The following DSC3 variants were observed in gnomAD, a reference collection of about 807,000 sequenced individuals.
DSC3 encodes desmocollin 3.
A neutral mutation model predicts 89.5 loss-of-function variants in DSC3; 97 were observed. That is an observed-to-expected ratio of 1.08 (90% CI 0.92 to 1.28). The LOEUF (loss-of-function observed/expected upper bound fraction) is 1.28, where lower values mean the gene tolerates loss of function less well. Among genes scored for constraint, DSC3 ranks in the 50% most tolerant of loss-of-function variants. DSC3 has a pLI of 0.00. For missense variants in DSC3, 1,199 were observed against 1,085.3 expected, an observed-to-expected ratio of 1.10 and a Z score of -1.47; for synonymous variants, 436 against 384.1, an observed-to-expected ratio of 1.14 and a Z score of -1.58.
At chr18:31,001,555 A>ACCC (rs1984658872) in intron 14 of DSC3, 63 bp downstream of exon 14, 1 of 1,565,188 alleles carries the variant, frequency 6.4e-7, no homozygotes, top group African/African-American at 1.4e-5. Context: ...TTTTGAAATG[A>ACCC]GTTTATGAGG....
In DSC3 at chr18:31,032,554, A is replaced by G. The variant is rs2852004; in HGVS notation, c.70-278T>C. On this transcript the variant is annotated intron_variant, in intron 1 of 15. Coordinates refer to ENST00000360428, the MANE Select transcript of DSC3 (RefSeq NM_001941.5). ...CTCTGCTCTAACTGCTTCTGTGTGT[A>G]TGTGTGTGTGTGTGTGTGTGTGTGT... is the stretch of plus-strand genomic sequence containing the variant. Among the ~76,000 whole-genome samples, 6,694 of 91,786 alleles carry G rather than the reference A, an allele frequency of 0.073. 241 individuals carry two copies. Among genetic ancestry groups the G allele is most frequent in the East Asian group, 0.16 (436 of 2,766 alleles). The allele number at this position is 91,786 out of a possible 152,430, so 60.2% of individuals were successfully genotyped here.
rs1984245555 is a variant in DSC3, at chr18:30,991,621, G to A, written c.*2554C>T. On this transcript the variant is annotated 3_prime_UTR_variant, in exon 16 of 16. Transcript: ENST00000360428. ...GGAGGTAGCAGGTTTTGATCGGTGA[G>A]TGAGGGAGTGAGCAAAACACAGTGG... The A allele has an allele frequency of 6.6e-6, 1 of 152,154 alleles. No homozygotes were observed. The highest frequency in any genetic ancestry group is 2.4e-5 in the African/African-American group (1 of 41,436). 9.4% of individuals were successfully genotyped at this position (152,154 alleles called of 1,614,324 possible). A position where few individuals can be genotyped will look rare whatever the true frequency, so the allele number is the denominator to read the frequency against.
chr18:31,028,367 T>A lies in DSC3; in HGVS notation c.474+1142A>T, dbSNP rs547516582. On this transcript the variant is annotated intron_variant, in intron 4 of 15. Coordinates refer to ENST00000360428, the MANE Select transcript of DSC3 (RefSeq NM_001941.5). ...AGGTGAGCTATGTCAAATGTAAATATGTCAAGGAAATGAGGACTAAGATGG... is the reference window on the plus strand; with the variant it reads ...AGGTGAGCTATGTCAAATGTAAATAAGTCAAGGAAATGAGGACTAAGATGG... Among the ~76,000 whole-genome samples the A allele has an allele frequency of 3.9e-5, 6 of 152,250 alleles. No individual in the cohort carries two copies. In the East Asian group the frequency reaches 1.2e-3, roughly 29 times the overall value.
At chr18:31,000,888 AT>A (rs1334494195) in intron 14 of DSC3, among the ~76,000 whole-genome samples, 5 of 151,568 alleles carry the variant, frequency 3.3e-5, no homozygotes, top group Non-Finnish European at 7.4e-5. Context: ...TCATGTTCCT[AT>A]TTTGCTTTTC....
At chr18:31,026,690 T>C (rs1240461321) in intron 4 of DSC3, among the ~76,000 whole-genome samples, 1 of 152,126 alleles carries the variant, frequency 6.6e-6, no homozygotes, top group African/African-American at 2.4e-5. Context: ...TGCTAGTATC[T>C]CTTAATATCT....
chr18:31,020,299 A>T (rs1158021420), intron 7 of DSC3, among the ~76,000 whole-genome samples: 1 of 152,158 alleles, frequency 6.6e-6, no homozygotes, highest in Admixed American at 6.5e-5. Context: ...GACCTACAGT[A>T]TTTGTAGCAT....
At chr18:31,035,313 AT>A (rs1245440084) in intron 1 of DSC3, among the ~76,000 whole-genome samples, 2 of 152,086 alleles carry the variant, frequency 1.3e-5, no homozygotes, top group Non-Finnish European at 2.9e-5. Context: ...ATAAACAAAA[AT>A]ATCACAAAAA....
chr18:31,000,416 T>C (rs971937178), intron 14 of DSC3, among the ~76,000 whole-genome samples: 1 of 152,186 alleles, frequency 6.6e-6, no homozygotes, highest in African/African-American at 2.4e-5. Flanking sequence ...CTATTCTCAC[T>C]GATCCCCCTA....
chr18:31,035,460 A>AC (rs201338152), intron 1 of DSC3, among the ~76,000 whole-genome samples: 2,008 of 152,186 alleles, frequency 0.013, 55 homozygotes, highest in African/African-American at 0.046. Flanking sequence ...TTTAAAAAAA[A>AC]CATATCATAC....
Position 30,992,683 on chromosome 18 carries a change from C to T in DSC3, c.*1492G>A, listed in dbSNP as rs1371718061. On this transcript the variant is annotated 3_prime_UTR_variant, in exon 16 of 16. Transcript: ENST00000360428. ...TTGGGCTGCTTTCTCCCAAAGTTCC[C>T]TCTGTTCTAAAATGACAACTTGATC... 4.6e-5 allele frequency: 7 copies of T among 152,240 alleles called. 1 individual carries two copies. Among genetic ancestry groups the T allele is most frequent in the Admixed American group, 4.6e-4 (7 of 15,286 alleles). 9.4% of individuals were successfully genotyped at this position (152,240 alleles called of 1,614,324 possible).
In DSC3 at chr18:30,989,836, G is replaced by C. The variant is rs1984171514; in HGVS notation, c.*4339C>G. 6.6e-6 allele frequency among the ~76,000 whole-genome samples: 1 copy of C among 152,110 alleles called. No homozygotes were observed. The highest frequency in any genetic ancestry group is 2.4e-5 in the African/African-American group (1 of 41,434). On this transcript the variant is annotated 3_prime_UTR_variant, in exon 16 of 16. Transcript: ENST00000360428. ...TTAACCTTTTTCTTAAATTAAAAAT[G>C]TTATCAGGTTGATAGGTGCAGCAAA... is the stretch of plus-strand genomic sequence containing the variant.
At position 31,024,329 on chromosome 18, in the gene DSC3, A is replaced by G. The variant is rs1441791283; in HGVS notation, c.775+20T>C. ...AGACATATTTAAAATGATTCTTTTT[A>G]TTCTTAAAAGCAGACTTACCAGGTC... On this transcript the variant is annotated intron_variant, in intron 6 of 15. Coordinates refer to ENST00000360428, the MANE Select transcript of DSC3 (RefSeq NM_001941.5). 6.4e-7 allele frequency: 1 copy of G among 1,554,312 alleles called. No homozygotes were observed. The highest frequency in any genetic ancestry group is 1.4e-5 in the African/African-American group (1 of 72,338).
intron 1 of DSC3, among the ~76,000 whole-genome samples, chr18:31,033,167 G>C (rs1985857578): frequency 6.6e-6 from 1 of 152,008 alleles, no homozygotes; most frequent in African/African-American, 2.4e-5. Context: ...AATTTTTAAA[G>C]ACCTAGATAA....
At chr18:31,029,877 T>C (rs1985724005) in intron 3 of DSC3, among the ~76,000 whole-genome samples, 2 of 152,210 alleles carry the variant, frequency 1.3e-5, no homozygotes, top group African/African-American at 4.8e-5. Context: ...GACTATACTT[T>C]CATGTTAGGA....
At chr18:31,019,411 A>C (rs531991371) in intron 7 of DSC3, among the ~76,000 whole-genome samples, 2 of 152,200 alleles carry the variant, frequency 1.3e-5, no homozygotes, top group Non-Finnish European at 1.5e-5. Flanking sequence ...TTTTAAAAAA[A>C]TATATCCTTA....
intron 1 of DSC3, among the ~76,000 whole-genome samples, chr18:31,038,729 AT>A (rs1277936166): frequency 1.3e-5 from 2 of 152,100 alleles, no homozygotes; most frequent in Non-Finnish European, 2.9e-5. Context: ...GTGTGTTTTA[AT>A]AAATAATAAA....
chr18:31,014,555 T>C (rs1211755512), intron 9 of DSC3, among the ~76,000 whole-genome samples: 2 of 152,092 alleles, frequency 1.3e-5, no homozygotes, highest in Non-Finnish European at 2.9e-5. Flanking sequence ...TATTAATAAA[T>C]AAATGTAATA....
intron 9 of DSC3, 67 bp downstream of exon 9, chr18:31,018,004 G>A: frequency 7.3e-7 from 1 of 1,360,602 alleles, no homozygotes; most frequent in Non-Finnish European, 1.0e-6. Flanking sequence ...AAACTATTTA[G>A]TTGATTAAAT....
chr18:31,026,195 G>A (rs1380462365), intron 4 of DSC3, among the ~76,000 whole-genome samples: 2 of 152,052 alleles, frequency 1.3e-5, no homozygotes, highest in Non-Finnish European at 2.9e-5. Flanking sequence ...AGAGAAAATA[G>A]GAAGTGCAAG....
Sources: allele counts gnomAD v4.1 joint callset (sites outside exome capture counted in the v4.1 genomes callset), GRCh38; gene constraint gnomAD v4.1.1; transcripts MANE v1.5; gene names NCBI Gene and HGNC (gene_info 2026-07-23, HGNC 2026-07-21).